DLGAP2: variants seen among roughly 807,000 people sequenced by gnomAD.
DLGAP2 encodes DLG associated protein 2.
DLGAP2 carries 26 observed loss-of-function variants against 100.3 expected under a neutral mutation model. The observed-to-expected ratio is 0.26, with a 90% confidence interval of 0.19 to 0.36. The LOEUF (loss-of-function observed/expected upper bound fraction) is 0.36. DLGAP2 is among the 10% of genes least tolerant of loss of function. The pLI is 1.00. For missense variants in DLGAP2, 1,858 were observed against 1,453.2 expected (o/e 1.28, Z -4.53); for synonymous variants, 886 against 630.1 (o/e 1.41, Z -6.08).
At chr8:1,519,548 A>G (rs1563198292) in intron 4 of DLGAP2, among the ~76,000 whole-genome samples, 1 of 152,268 alleles carries the variant, frequency 6.6e-6, no homozygotes, top group Non-Finnish European at 1.5e-5. Context: ...CACAAGCTGC[A>G]TTCTCTGACC....
intron 2 of DLGAP2, among the ~76,000 whole-genome samples, chr8:1,183,943 T>C (rs1419853015): frequency 6.6e-6 from 1 of 152,232 alleles, no homozygotes; most frequent in Non-Finnish European, 1.5e-5. Flanking sequence ...GCGTGATTAT[T>C]ACATTAAAGT....
At chr8:756,984 A>C (rs901692725) in intron 1 of DLGAP2, among the ~76,000 whole-genome samples, 5 of 152,116 alleles carry the variant, frequency 3.3e-5, no homozygotes, top group African/African-American at 1.2e-4. Context: ...GGGTGCCCGC[A>C]ATGGGTCTTC....
At chr8:782,513 A>G (rs1467473958) in intron 1 of DLGAP2, among the ~76,000 whole-genome samples, 4 of 152,194 alleles carry the variant, frequency 2.6e-5, no homozygotes, top group South Asian at 2.1e-4. Flanking sequence ...TTATTTGCCA[A>G]TCTCTACATG....
At chr8:1,588,670 G>A (rs1195489248) in intron 6 of DLGAP2, among the ~76,000 whole-genome samples, 1 of 150,270 alleles carries the variant, frequency 6.7e-6, no homozygotes, top group African/African-American at 2.5e-5. Context: ...GGGAGGCTGA[G>A]GCAGGTGGAT....
intron 2 of DLGAP2, among the ~76,000 whole-genome samples, chr8:1,177,438 A>G (rs914264108): frequency 2.0e-5 from 3 of 151,950 alleles, no homozygotes; most frequent in East Asian, 3.9e-4. Context: ...CTTTCCCACC[A>G]TCTTTGGGCA....
chr8:1,173,996 G>C (rs1248412521), intron 2 of DLGAP2, among the ~76,000 whole-genome samples: 1 of 152,168 alleles, frequency 6.6e-6, no homozygotes, highest in African/African-American at 2.4e-5. Context: ...CTGTAGACTG[G>C]AGCTATTCCT....
chr8:773,606 T>C (rs1821425929), intron 1 of DLGAP2, among the ~76,000 whole-genome samples: 1 of 151,386 alleles, frequency 6.6e-6, no homozygotes, highest in Non-Finnish European at 1.5e-5. Context: ...TGTTTGGTTT[T>C]TTGTTCTTGC....
At chr8:1,040,092 C>G (rs1169041175) in intron 2 of DLGAP2, among the ~76,000 whole-genome samples, 121 of 74,194 alleles carry the variant, frequency 1.6e-3, no homozygotes, top group South Asian at 3.3e-3. Flanking sequence ...AGCTCGGTTT[C>G]CGTGGTCGGC....
chr8:1,508,425 A>C (rs1427649892), intron 4 of DLGAP2, among the ~76,000 whole-genome samples: 4 of 5,116 alleles, frequency 7.8e-4, no homozygotes, highest in Admixed American at 5.2e-3. Context: ...GCAAACCCCC[A>C]CCCCCCCCCG....
intron 2 of DLGAP2, among the ~76,000 whole-genome samples, chr8:1,232,483 C>T (rs182086099): frequency 1.3e-5 from 2 of 152,358 alleles, no homozygotes; most frequent in East Asian, 3.9e-4. Context: ...GATGCCTCCT[C>T]CGTCTCGAAC....
chr8:968,958 G>GCGAAC (rs1230445022), intron 2 of DLGAP2, among the ~76,000 whole-genome samples: 8 of 152,120 alleles, frequency 5.3e-5, no homozygotes, highest in African/African-American at 1.9e-4. Flanking sequence ...CACAGTTCCC[G>GCGAAC]CGAACCAATC....
chr8:1,065,425 A>G (rs1411092267), intron 2 of DLGAP2, among the ~76,000 whole-genome samples: 3 of 152,234 alleles, frequency 2.0e-5, no homozygotes. Flanking sequence ...ACAGCACTGT[A>G]TTCAGTAGAG....
intron 1 of DLGAP2, among the ~76,000 whole-genome samples, chr8:875,351 T>G (rs1377831568): frequency 6.6e-6 from 1 of 152,212 alleles, no homozygotes; most frequent in East Asian, 1.9e-4. Flanking sequence ...CATCTTGAAT[T>G]GTGGTTCCCA....
intron 2 of DLGAP2, among the ~76,000 whole-genome samples, chr8:1,142,469 T>C (rs1078798): frequency 0.88 from 134,555 of 152,204 alleles, 59,579 homozygotes; most frequent in Middle Eastern, 0.92. Context: ...TGTTCCCTTA[T>C]GGCTTCGATA....
chr8:1,566,394 T>A (rs541774205), intron 6 of DLGAP2, among the ~76,000 whole-genome samples: 1 of 152,358 alleles, frequency 6.6e-6, no homozygotes, highest in East Asian at 1.9e-4. Context: ...GCCCAAAATT[T>A]ATTATTAATA....
intron 2 of DLGAP2, among the ~76,000 whole-genome samples, chr8:965,923 G>A (rs749326731): frequency 7.9e-5 from 12 of 152,148 alleles, no homozygotes; most frequent in African/African-American, 2.9e-4. Flanking sequence ...GAGGAGGAGC[G>A]TGGTGGCAAG....
In DLGAP2 at chr8:857,486, G is replaced by C. The variant is rs558020606; in HGVS notation, c.19-50426G>C. ...ATACAAATAATTTTCAAATTTCAAT[G>C]GTGAGAAAACAACCTGATTTTTAAA... On this transcript the variant is annotated intron_variant, in intron 1 of 14. Coordinates refer to ENST00000637795, the MANE Select transcript of DLGAP2 (RefSeq NM_001346810.2). 2.5e-3 allele frequency among the ~76,000 whole-genome samples: 387 copies of C among 152,256 alleles called. 2 individuals carry two copies. Among genetic ancestry groups the C allele is most frequent in the African/African-American group, 9.0e-3 (373 of 41,542 alleles).
rs573413561 is a variant in DLGAP2, at chr8:1,243,945, C to G, written c.74-14906C>G. ...TCAAGTCCCTGCTGTGTGTCCTCATCTACCTTCCAGCTCCCAGCCTCCGCA... is the reference window on the plus strand; with the variant it reads ...TCAAGTCCCTGCTGTGTGTCCTCATGTACCTTCCAGCTCCCAGCCTCCGCA... On this transcript the variant is annotated intron_variant, in intron 2 of 14. Coordinates refer to ENST00000637795, the MANE Select transcript of DLGAP2 (RefSeq NM_001346810.2). 4.4e-4 allele frequency among the ~76,000 whole-genome samples: 67 copies of G among 152,348 alleles called. 1 individual carries two copies. Among genetic ancestry groups the G allele is most frequent in the African/African-American group, 1.6e-3 (65 of 41,582 alleles).
At chr8:1,520,127 G>A (rs1180776504) in intron 4 of DLGAP2, among the ~76,000 whole-genome samples, 1 of 152,202 alleles carries the variant, frequency 6.6e-6, no homozygotes, top group Non-Finnish European at 1.5e-5. Context: ...CATACCATGG[G>A]CTATACACCT....
Sources: allele counts gnomAD v4.1 joint callset (sites outside exome capture counted in the v4.1 genomes callset), GRCh38; gene constraint gnomAD v4.1.1; transcripts MANE v1.5; gene names NCBI Gene and HGNC (gene_info 2026-07-23, HGNC 2026-07-21).